OSBP2: variants seen among roughly 807,000 people sequenced by gnomAD.
OSBP2 encodes the protein oxysterol binding protein 2, also known as oxysterol-binding protein 2.
OSBP2 carries 66 observed loss-of-function variants against 96.0 expected under a neutral mutation model. That is an observed-to-expected ratio of 0.69 (90% confidence interval 0.56 to 0.84). OSBP2 has a LOEUF of 0.84. OSBP2 is among the 40% of genes least tolerant of loss of function. OSBP2 has a pLI of 0.00. For missense variants in OSBP2, 1,038 were observed against 1,222.7 expected (o/e 0.85, Z 2.25); for synonymous variants, 525 against 520.9 (o/e 1.01, Z -0.11).
At chr22:30,780,946 G>A (rs2090510339) in intron 2 of OSBP2, among the ~76,000 whole-genome samples, 1 of 152,102 alleles carries the variant, frequency 6.6e-6, no homozygotes, top group South Asian at 2.1e-4. Context: ...AGAAGGTTCT[G>A]TGCCTCATGT....
rs1433747513 is a variant in OSBP2, at chr22:30,881,611, C to T, written c.1108-5815C>T. 3.9e-6 allele frequency: 5 copies of T among 1,281,302 alleles called. No individual in the cohort carries two copies. The highest frequency in any genetic ancestry group is 5.7e-5 in the East Asian group (1 of 17,644). 79.4% of individuals were successfully genotyped at this position (1,281,302 alleles called of 1,614,324 possible). A position where few individuals can be genotyped will look rare whatever the true frequency, so the allele number is the denominator to read the frequency against. Reference sequence around the variant, plus strand: ...CCTCCCTGGGCCCCTGGGAACCTCCCCCTGCCAGTCCCTCTGCCGGGCCCC... The same window carrying T: ...CCTCCCTGGGCCCCTGGGAACCTCCTCCTGCCAGTCCCTCTGCCGGGCCCC... On this transcript the variant is annotated intron_variant, in intron 3 of 13. Coordinates refer to ENST00000332585, the MANE Select transcript of OSBP2 (RefSeq NM_030758.4). This position sits in a 1 kb window ranked among gnomAD's most constrained non-coding sequence, Gnocchi z 4.5.
chr22:30,828,350 C>A (rs1312140068), intron 2 of OSBP2, among the ~76,000 whole-genome samples: 2 of 152,182 alleles, frequency 1.3e-5, no homozygotes, highest in Admixed American at 6.5e-5. Context: ...GTGACAGGCA[C>A]CCAGCCCAGA....
At chr22:30,789,535 T>C (rs1048438251) in intron 2 of OSBP2, among the ~76,000 whole-genome samples, 1 of 152,140 alleles carries the variant, frequency 6.6e-6, no homozygotes, top group Non-Finnish European at 1.5e-5. Context: ...TAAACTCAGA[T>C]ACTTGTAAAA....
chr22:30,896,928 A>G (rs187868416), intron 12 of OSBP2, among the ~76,000 whole-genome samples: 1 of 152,184 alleles, frequency 6.6e-6, no homozygotes, highest in Non-Finnish European at 1.5e-5. Flanking sequence ...GATTATAGGC[A>G]CAAGCCACCA....
intron 2 of OSBP2, among the ~76,000 whole-genome samples, chr22:30,832,809 G>C (rs2038555015): frequency 6.6e-6 from 1 of 152,176 alleles, no homozygotes. Flanking sequence ...AGGTGACCCT[G>C]GTCTCAGGGC....
At chr22:30,867,882 C>T (rs1260264889) in intron 2 of OSBP2, among the ~76,000 whole-genome samples, 4 of 152,272 alleles carry the variant, frequency 2.6e-5, no homozygotes, top group African/African-American at 9.6e-5. Flanking sequence ...CATACCCCCT[C>T]AAGGCCCTCC....
At chr22:30,857,196 A>T (rs1382839188) in intron 2 of OSBP2, among the ~76,000 whole-genome samples, 1 of 152,234 alleles carries the variant, frequency 6.6e-6, no homozygotes, top group Non-Finnish European at 1.5e-5. Context: ...GCCCCCACTC[A>T]GTCCAGCAGG....
At chr22:30,721,023 G>A (rs929506901) in intron 1 of OSBP2, among the ~76,000 whole-genome samples, 2 of 152,238 alleles carry the variant, frequency 1.3e-5, no homozygotes, top group African/African-American at 4.8e-5. Flanking sequence ...TCAGGAGTTC[G>A]AGACTAGCCT....
At chr22:30,781,119 G>A (rs2090513164) in intron 2 of OSBP2, among the ~76,000 whole-genome samples, 1 of 151,436 alleles carries the variant, frequency 6.6e-6, no homozygotes, top group African/African-American at 2.4e-5. Context: ...GGGATTACAG[G>A]CATCCGCCAC....
intron 2 of OSBP2, among the ~76,000 whole-genome samples, chr22:30,858,123 T>G (rs2039117030): frequency 7.4e-6 from 1 of 135,016 alleles, no homozygotes; most frequent in African/African-American, 3.2e-5. Context: ...TCACTTTGTT[T>G]TTTTTTTGTT....
intron 3 of OSBP2, among the ~76,000 whole-genome samples, chr22:30,878,588 CTAGCTTGCAGA>C (rs1263503291): frequency 6.6e-6 from 1 of 152,184 alleles, no homozygotes; most frequent in Admixed American, 6.5e-5. Flanking sequence ...GTGGGCAGAG[CTAGCTTGCAGA>C]GCTAGCTCGA....
rs1032351739 is a variant in OSBP2, at chr22:30,889,585, G to GT, written c.1572_1573insT (p.Ser525Ter). The GT allele has an allele frequency of 6.2e-7, 1 of 1,613,946 alleles. No homozygotes were observed. The highest frequency in any genetic ancestry group is 8.5e-7 in the Non-Finnish European group (1 of 1,180,030). The stretch of plus-strand genomic sequence containing the variant: ...AGCCCAACTACAGCCTTAACCTCTG[G>GT]AGCATCATGAAGAACTGCATCGGCC... On this transcript the variant is annotated frameshift_variant, in exon 7 of 14. Coordinates refer to ENST00000332585, the MANE Select transcript of OSBP2 (RefSeq NM_030758.4). LOFTEE classifies it high-confidence loss of function.
intron 2 of OSBP2, among the ~76,000 whole-genome samples, chr22:30,790,543 A>T (rs2090659317): frequency 6.6e-6 from 1 of 152,000 alleles, no homozygotes; most frequent in Admixed American, 6.6e-5. Context: ...GGTTGCTCCA[A>T]GGCAGTTTCT....
chr22:30,730,816 T>A (rs1195838661), intron 1 of OSBP2, among the ~76,000 whole-genome samples: 7 of 109,676 alleles, frequency 6.4e-5, no homozygotes, highest in Admixed American at 1.9e-4. Context: ...ATAATTTTTT[T>A]TTTTTTTCCC....
chr22:30,733,798 A>G (rs1006442814), intron 1 of OSBP2, among the ~76,000 whole-genome samples: 2 of 152,198 alleles, frequency 1.3e-5, no homozygotes, highest in Admixed American at 1.3e-4. Flanking sequence ...GACTGGGGTC[A>G]TTGCGAGTAT....
At position 30,843,455 on chromosome 22, in the gene OSBP2, C is replaced by G. The variant is rs1410727187; in HGVS notation, c.854-26974C>G. On this transcript the variant is annotated intron_variant, in intron 2 of 13. Transcript: ENST00000332585. ...TTTTCAGGAATCTTTCCCCCCTCCC[C>G]CTTGAGCAATAGGTCCTGACAGTGG... 1.3e-4 allele frequency among the ~76,000 whole-genome samples: 20 copies of G among 150,392 alleles called. No individual in the cohort carries two copies. The East Asian group carries it at 2.8e-3, about 21-fold the overall frequency.
At chr22:30,889,343 A>T (rs2039891113) in intron 6 of OSBP2, 109 bp downstream of exon 6, 1 of 1,411,378 alleles carries the variant, frequency 7.1e-7, no homozygotes, top group South Asian at 1.2e-5. Flanking sequence ...CCCATGCCCC[A>T]GTCCAGGAGC....
At chr22:30,813,502 G>A (rs2091039646) in intron 2 of OSBP2, among the ~76,000 whole-genome samples, 2 of 151,732 alleles carry the variant, frequency 1.3e-5, no homozygotes, top group South Asian at 4.2e-4. Flanking sequence ...CCCTTCTGTA[G>A]TCTCTGCTTG....
At position 30,893,872 on chromosome 22, in the gene OSBP2, C is replaced by T. The variant is rs370041552; in HGVS notation, c.2246C>T (p.Ser749Leu). Residue 749 changes from serine to leucine, a missense_variant, in exon 12 of 14, where the codon TCG becomes TTG. By Grantham distance (145) the Ser-to-Leu change is moderately radical. Around this residue, in one of 3 missense-constraint regions of OSBP2, gnomAD observed 737 missense variants for 913.3 expected, o/e 0.81. Coordinates refer to ENST00000332585, the MANE Select transcript of OSBP2 (RefSeq NM_030758.4). ...AAGGCCCATTACGTGCTGTCCGGCT[C>T]GTGGGATGAACAAATGGAGTGCTCC... ...QGKAHYVLSG[S>L]WDEQMECSKV... 5.2e-5 allele frequency: 83 copies of T among 1,582,896 alleles called. No homozygotes were observed. The highest frequency in any genetic ancestry group is 6.4e-5 in the Non-Finnish European group (75 of 1,164,426).
Sources: allele counts gnomAD v4.1 joint callset (sites outside exome capture counted in the v4.1 genomes callset), GRCh38; gene constraint gnomAD v4.1.1; regional missense constraint gnomAD v4.1.1; non-coding constraint Gnocchi (gnomAD v3.1); transcripts MANE v1.5; gene names NCBI Gene and HGNC (gene_info 2026-07-23, HGNC 2026-07-21).